SLTM: variants seen among roughly 807,000 people sequenced by gnomAD.
The protein encoded by SLTM is SAFB like transcription modulator, also known as SAFB-like transcription modulator.
A neutral mutation model predicts 134.6 loss-of-function variants in SLTM; 43 were observed. That is an observed-to-expected ratio of 0.32 (90% CI 0.25 to 0.41). SLTM has a LOEUF of 0.41. Ranked by LOEUF, SLTM falls within the 10% of genes least tolerant of loss-of-function variation. The pLI is 1.00. For synonymous variants in SLTM, 424 were observed against 432.3 expected, an observed-to-expected ratio of 0.98 and a Z score of 0.24; for missense variants, 1,055 against 1,288.8, an observed-to-expected ratio of 0.82 and a Z score of 2.78.
chr15:58,889,381 G>A (rs2034486400), intron 16 of SLTM, 49 bp downstream of exon 16: 1 of 1,606,490 alleles, frequency 6.2e-7, no homozygotes, highest in Non-Finnish European at 8.5e-7. Context: ...TTAGCCTAAA[G>A]GGAATAAAAC....
At chr15:58,908,327 C>T (rs1424444930) in intron 5 of SLTM, among the ~76,000 whole-genome samples, 1 of 152,072 alleles carries the variant, frequency 6.6e-6, no homozygotes, top group Non-Finnish European at 1.5e-5. Context: ...TCCCAAAGTA[C>T]TGGGATTACA....
At chr15:58,930,842 C>T (rs1214353807) in intron 2 of SLTM, among the ~76,000 whole-genome samples, 1 of 150,366 alleles carries the variant, frequency 6.7e-6, no homozygotes, top group Non-Finnish European at 1.5e-5. Context: ...GAAATTATTT[C>T]TAATAATAAG....
intron 9 of SLTM, among the ~76,000 whole-genome samples, chr15:58,895,470 AAG>A (rs1289796777): frequency 6.7e-6 from 1 of 148,842 alleles, no homozygotes; most frequent in Non-Finnish European, 1.5e-5. Flanking sequence ...GTGAGAAGAA[AAG>A]AGAGAGAACG....
chr15:58,922,226 AAGTAGCCGGG>A (rs1438643783), intron 2 of SLTM, among the ~76,000 whole-genome samples: 1 of 151,192 alleles, frequency 6.6e-6, no homozygotes, highest in African/African-American at 2.4e-5. Context: ...AAACACAAAA[AAGTAGCCGGG>A]TGTGGTGACT....
chr15:58,900,012 G>A, intron 6 of SLTM, 75 bp from the exon 7 acceptor site: 2 of 1,180,084 alleles, frequency 1.7e-6, no homozygotes. Flanking sequence ...GCTAGAATAG[G>A]ACCTAGAAAA....
chr15:58,916,771 G>A (rs749857756), intron 3 of SLTM, 164 bp downstream of exon 3: 34 of 516,716 alleles, frequency 6.6e-5, no homozygotes, highest in Non-Finnish European at 1.1e-4. Context: ...TCTCAATTAT[G>A]AGAGTTAATG....
At chr15:58,900,048 G>A in intron 6 of SLTM, 111 bp from the exon 7 acceptor site, 2 of 727,330 alleles carry the variant, frequency 2.7e-6, no homozygotes, top group Non-Finnish European at 4.2e-6. Flanking sequence ...TAGCACTGAT[G>A]GAAGTTAGGG....
At chr15:58,888,077 C>A (rs1297646130) in intron 17 of SLTM, among the ~76,000 whole-genome samples, 1 of 152,094 alleles carries the variant, frequency 6.6e-6, no homozygotes, top group African/African-American at 2.4e-5. Flanking sequence ...TCGTTTGAAC[C>A]CACGAGGCAG....
chr15:58,904,696 A>G (rs1349265736), intron 5 of SLTM, among the ~76,000 whole-genome samples: 3 of 151,158 alleles, frequency 2.0e-5, no homozygotes, highest in African/African-American at 7.3e-5. Context: ...ACACCCGGCC[A>G]ATTTTTTTTT....
chr15:58,895,969 A>G (rs2035048225), intron 9 of SLTM, among the ~76,000 whole-genome samples: 1 of 152,230 alleles, frequency 6.6e-6, no homozygotes, highest in African/African-American at 2.4e-5. Flanking sequence ...TGTGCACATG[A>G]AGTACACTAA....
At chr15:58,890,256 A>G in intron 15 of SLTM, 25 bp downstream of exon 15, 1 of 1,609,442 alleles carries the variant, frequency 6.2e-7, no homozygotes, top group Non-Finnish European at 8.5e-7. Flanking sequence ...GAGTTATTTA[A>G]GATGAAAAGA....
At chr15:58,909,884 T>C (rs1199222899) in intron 5 of SLTM, among the ~76,000 whole-genome samples, 3 of 152,234 alleles carry the variant, frequency 2.0e-5, no homozygotes, top group African/African-American at 7.2e-5. Flanking sequence ...TGCCAACCCT[T>C]GCTCTATGGG....
intron 19 of SLTM, 97 bp downstream of exon 19, chr15:58,886,878 C>A: frequency 6.9e-7 from 1 of 1,449,740 alleles, no homozygotes. Context: ...TCTAGCTAAT[C>A]TAAGCCACAT....
chr15:58,882,411 C>T (rs2033811829), intron 20 of SLTM, among the ~76,000 whole-genome samples: 1 of 152,140 alleles, frequency 6.6e-6, no homozygotes, highest in African/African-American at 2.4e-5. Flanking sequence ...CAACATGAAG[C>T]TGAAAGGAAA....
At position 58,894,107 on chromosome 15, in the gene SLTM, C is replaced by G. The variant is rs374874196; in HGVS notation, c.1464G>C (p.Thr488=). 1 of 1,605,582 alleles carries G rather than the reference C, an allele frequency of 6.2e-7. No homozygotes were observed. The highest frequency in any genetic ancestry group is 1.1e-5 in the South Asian group (1 of 89,598). Residue 488 remains threonine, a synonymous_variant, in exon 11 of 21, where the codon ACG becomes ACC. Coordinates refer to ENST00000380516, the MANE Select transcript of SLTM (RefSeq NM_024755.4). ...SSRSSGDKKN[T]SDRSSKTQAS... is the part of the protein sequence containing the mutation. ...ATCCTTACTTGCTACTTCTATCACT[C>G]GTATTTTTTTTATCTCCAGAACTTC... is the stretch of plus-strand genomic sequence containing the variant.
At chr15:58,931,520 C>G (rs928151979) in intron 2 of SLTM, among the ~76,000 whole-genome samples, 34 of 152,292 alleles carry the variant, frequency 2.2e-4, no homozygotes, top group African/African-American at 8.2e-4. Flanking sequence ...CTGTTCATGA[C>G]AAACTCTGCA....
chr15:58,899,323 G>A lies in SLTM; in HGVS notation c.1058+146C>T, dbSNP rs2035312741. The A allele has an allele frequency of 1.5e-6, 1 of 669,228 alleles. No homozygotes were observed. Among genetic ancestry groups the A allele is most frequent in the Non-Finnish European group, 2.5e-6 (1 of 401,318 alleles). The allele number at this position is 669,228 out of a possible 1,614,324, so 41.5% of individuals were successfully genotyped here. A position where few individuals can be genotyped will look rare whatever the true frequency, so the allele number is the denominator to read the frequency against. On this transcript the variant is annotated intron_variant, in intron 7 of 20. Transcript: ENST00000380516. This position sits in a 1 kb window ranked among gnomAD's most constrained non-coding sequence, Gnocchi z 5.0. Reference sequence around the variant, plus strand: ...ATGAAGATCTTGAAAATTTTTAAAAGTAACTTATGACGGTCAAAAATATTA... The same window carrying A: ...ATGAAGATCTTGAAAATTTTTAAAAATAACTTATGACGGTCAAAAATATTA...
chr15:58,911,049 T>A (rs1480790207), intron 5 of SLTM, among the ~76,000 whole-genome samples: 1 of 152,154 alleles, frequency 6.6e-6, no homozygotes, highest in African/African-American at 2.4e-5. Context: ...TGGCCCCTCA[T>A]AGATTCTTTA....
intron 2 of SLTM, among the ~76,000 whole-genome samples, chr15:58,926,649 C>T (rs565842587): frequency 5.9e-5 from 8 of 135,810 alleles, no homozygotes; most frequent in Middle Eastern, 4.1e-3. Flanking sequence ...GGGTCTTGTT[C>T]TGTCACCCAG....
Sources: allele counts gnomAD v4.1 joint callset (sites outside exome capture counted in the v4.1 genomes callset), GRCh38; gene constraint gnomAD v4.1.1; non-coding constraint Gnocchi (gnomAD v3.1); transcripts MANE v1.5; gene names NCBI Gene and HGNC (gene_info 2026-07-23, HGNC 2026-07-21).